Variants in TMEM260 observed in about 807,000 individuals in gnomAD.
TMEM260 encodes the protein protein O-mannosyl-transferase TMEM260.
Under a neutral mutation model 88.9 loss-of-function variants are expected in TMEM260, and 82 were observed. The observed-to-expected ratio is 0.92, with a 90% CI of 0.77 to 1.11. The LOEUF (loss-of-function observed/expected upper bound fraction) is 1.11, where lower values mean the gene tolerates loss of function less well. Among genes scored for constraint, TMEM260 ranks in the 50% least tolerant of loss-of-function variants. The pLI, the probability that TMEM260 is intolerant of heterozygous loss-of-function variation, is 0.00. For synonymous variants in TMEM260, 314 were observed against 309.3 expected, an observed-to-expected ratio of 1.02 and a Z score of -0.16; for missense variants, 902 against 853.4, an observed-to-expected ratio of 1.06 and a Z score of -0.71.
chr14:56,608,840 A>G (rs966023349), intron 5 of TMEM260, among the ~76,000 whole-genome samples: 1 of 152,212 alleles, frequency 6.6e-6, no homozygotes, highest in Non-Finnish European at 1.5e-5. Context: ...AAGTGATGCA[A>G]TAAACATGAT....
chr14:56,639,353 G>A (rs564578938), intron 15 of TMEM260, among the ~76,000 whole-genome samples: 9 of 152,092 alleles, frequency 5.9e-5, no homozygotes, highest in Non-Finnish European at 1.3e-4. Flanking sequence ...TTGAGGTGAT[G>A]GATACCCCAT....
At position 56,580,037 on chromosome 14, in the gene TMEM260, C is replaced by T; in HGVS notation, c.123C>T (p.Thr41=). ...TCGCCGCCGTGGCCGCAGTGTTCAC[C>T]TTCACCCTGCCCCCTTCGGTACCGG... ...AVFAAVAAVF[T]FTLPPSVPGG... is the part of the protein sequence containing the mutation. Residue 41 remains threonine, a synonymous_variant, in exon 1 of 16, where the codon ACC becomes ACT. Transcript: ENST00000261556. 3 of 1,251,306 alleles carry T rather than the reference C, an allele frequency of 2.4e-6. No homozygotes were observed. The highest frequency in any genetic ancestry group is 2.0e-6 in the Non-Finnish European group (2 of 990,288). The allele number at this position is 1,251,306 out of a possible 1,614,324, so 77.5% of individuals were successfully genotyped here.
chr14:56,616,939 A>G (rs1201748154), intron 8 of TMEM260, among the ~76,000 whole-genome samples: 2 of 152,124 alleles, frequency 1.3e-5, no homozygotes, highest in East Asian at 3.8e-4. Flanking sequence ...CAAAATCAGT[A>G]GTTTGCATTT....
chr14:56,586,173 C>T (rs1231003971), intron 3 of TMEM260, among the ~76,000 whole-genome samples: 1 of 152,062 alleles, frequency 6.6e-6, no homozygotes, highest in Non-Finnish European at 1.5e-5. Context: ...TGAGGTTTGT[C>T]ATTTTGTGAA....
chr14:56,616,494 T>C (rs1311405967), intron 8 of TMEM260, among the ~76,000 whole-genome samples: 1 of 152,054 alleles, frequency 6.6e-6, no homozygotes, highest in Non-Finnish European at 1.5e-5. Context: ...TTTGTTTACT[T>C]GACACAAACA....
At chr14:56,632,111 G>GAGAT (rs2139623509) in intron 12 of TMEM260, among the ~76,000 whole-genome samples, 1 of 152,268 alleles carries the variant, frequency 6.6e-6, no homozygotes, top group East Asian at 1.9e-4. Context: ...GCTCAGCTCA[G>GAGAT]AGATAAGCTG....
intron 3 of TMEM260, chr14:56,593,320 G>T (rs1382279747): frequency 1.3e-5 from 2 of 152,144 alleles, no homozygotes; most frequent in Admixed American, 1.3e-4. Flanking sequence ...TGATCTGGGT[G>T]AGATTTTAAA....
At chr14:56,616,641 A>G (rs1887610736) in intron 8 of TMEM260, among the ~76,000 whole-genome samples, 1 of 152,000 alleles carries the variant, frequency 6.6e-6, no homozygotes, top group Non-Finnish European at 1.5e-5. Flanking sequence ...CACTTTTTCC[A>G]CTATTATAAG....
At chr14:56,623,315 T>C (rs755206039) in intron 11 of TMEM260, among the ~76,000 whole-genome samples, 8 of 152,116 alleles carry the variant, frequency 5.3e-5, no homozygotes, top group Non-Finnish European at 1.0e-4. Context: ...TCTCTTGACT[T>C]TTCCCTCCCA....
chr14:56,588,057 G>A (rs1032497692), intron 3 of TMEM260, among the ~76,000 whole-genome samples: 2 of 152,042 alleles, frequency 1.3e-5, no homozygotes, highest in African/African-American at 4.8e-5. Flanking sequence ...TACAATAAAT[G>A]TGTTTCTTTG....
intron 15 of TMEM260, 148 bp from the exon 16 acceptor site, chr14:56,647,095 C>T (rs1890012304): frequency 2.4e-6 from 2 of 819,050 alleles, no homozygotes; most frequent in Admixed American, 3.1e-5. Context: ...TTCTTGGGTT[C>T]TCTGCATGGC....
intron 12 of TMEM260, among the ~76,000 whole-genome samples, chr14:56,632,786 TC>T (rs1888715927): frequency 6.6e-6 from 1 of 152,126 alleles, no homozygotes. Context: ...ATTAGATATC[TC>T]ATTAGTCTTC....
the TMEM260 span, among the ~76,000 whole-genome samples, chr14:56,661,545 A>AGGGAGGGAGGGAGGGAAAGAGGGAG: frequency 1.9e-5 from 1 of 51,350 alleles, no homozygotes; most frequent in African/African-American, 7.8e-5. Flanking sequence ...GGAGGGAGGG[A>AGGGAGGGAGGGAGGGAAAGAGGGAG]GGGAGGGAGG....
intron 12 of TMEM260, among the ~76,000 whole-genome samples, chr14:56,632,149 T>C (rs756944699): frequency 5.3e-5 from 8 of 152,206 alleles, no homozygotes; most frequent in Non-Finnish European, 1.2e-4. Context: ...CATTGCTCTC[T>C]GCATCTCTCT....
intron 5 of TMEM260, among the ~76,000 whole-genome samples, chr14:56,607,038 G>T (rs1439255054): frequency 2.6e-5 from 4 of 152,210 alleles, no homozygotes; most frequent in Non-Finnish European, 2.9e-5. Flanking sequence ...AACAGGCAGT[G>T]TCTTTAACAG....
intron 1 of TMEM260, among the ~76,000 whole-genome samples, chr14:56,583,232 C>T (rs1885251828): frequency 6.6e-6 from 1 of 152,138 alleles, no homozygotes; most frequent in Non-Finnish European, 1.5e-5. Context: ...ACAAAGGGAA[C>T]AGTTGTTTGA....
intron 6 of TMEM260, 89 bp from the exon 7 acceptor site, chr14:56,612,156 C>A (rs1887319935): frequency 3.8e-6 from 5 of 1,306,916 alleles, no homozygotes; most frequent in Non-Finnish European, 5.5e-6. Flanking sequence ...TTAAGAAAAC[C>A]CGAATCTTTT....
At position 56,581,903 on chromosome 14, in the gene TMEM260, A is replaced by T. The variant is rs117371563; in HGVS notation, c.160+1829A>T. On this transcript the variant is annotated intron_variant, in intron 1 of 15. Transcript: ENST00000261556. ...GTAGTGATGTTTAAAATTTATTTAA[A>T]ATCATGATTATTGCCTTGCCTTTAT... Among the ~76,000 whole-genome samples the T allele has an allele frequency of 8.2e-3, 1,252 of 152,330 alleles. 7 individuals are homozygous for T. Among genetic ancestry groups the T allele is most frequent in the Non-Finnish European group, 0.013 (858 of 68,024 alleles).
intron 1 of TMEM260, among the ~76,000 whole-genome samples, chr14:56,581,387 A>G (rs1885123779): frequency 1.3e-5 from 2 of 152,198 alleles, no homozygotes; most frequent in Non-Finnish European, 2.9e-5. Flanking sequence ...GTCCTGTTGC[A>G]CAAGTAGGGA....
Sources: gnomAD v4.1 joint callset for allele counts (sites outside exome capture counted in the v4.1 genomes callset) on GRCh38, gnomAD v4.1.1 for gene constraint, MANE v1.5 for transcripts, NCBI Gene and HGNC (gene_info 2026-07-23, HGNC 2026-07-21) for gene names.